Variants in DUSP4 observed in about 807,000 individuals in gnomAD.
DUSP4 encodes the protein dual specificity phosphatase 4.
DUSP4 carries 12 observed loss-of-function variants against 27.2 expected under a neutral mutation model. That is an observed-to-expected ratio of 0.44 (90% CI 0.28 to 0.71). The LOEUF is 0.71. Ranked by LOEUF, DUSP4 falls within the 30% of genes least tolerant of loss-of-function variation. The probability of loss-of-function intolerance (pLI) is 0.14; values close to 1 mark genes in which losing one functional copy is unlikely to be tolerated. For synonymous variants in DUSP4, 257 were observed against 245.2 expected, an observed-to-expected ratio of 1.05 and a Z score of -0.45; for missense variants, 448 against 551.3, an observed-to-expected ratio of 0.81 and a Z score of 1.88.
chr8:29,336,833 T>G lies in DUSP4; in HGVS notation c.*193A>C. ...GCCGTTATTGCTCTAAGTTGGAGTGTTCTGTTTGCTTTTATTATGTATTCG... is the reference window on the plus strand; with the variant it reads ...GCCGTTATTGCTCTAAGTTGGAGTGGTCTGTTTGCTTTTATTATGTATTCG... On this transcript the variant is annotated 3_prime_UTR_variant, in exon 4 of 4. Coordinates refer to ENST00000240100, the MANE Select transcript of DUSP4 (RefSeq NM_001394.7). 9.4e-6 allele frequency: 7 copies of G among 741,942 alleles called. No individual in the cohort carries two copies. The highest frequency in any genetic ancestry group is 4.5e-5 in the South Asian group (2 of 43,990). The allele number at this position is 741,942 out of a possible 1,614,324, so 46.0% of individuals were successfully genotyped here. A position where few individuals can be genotyped will look rare whatever the true frequency, so the allele number is the denominator to read the frequency against.
chr8:29,342,690 G>A (rs1454292474), intron 1 of DUSP4, among the ~76,000 whole-genome samples: 2 of 152,204 alleles, frequency 1.3e-5, no homozygotes, highest in African/African-American at 2.4e-5. Context: ...GAGTGGTGTG[G>A]GGGGCAAGGA....
Position 29,337,496 on chromosome 8 carries a change from G to A in DUSP4, c.800-85C>T. 6.7e-7 allele frequency: 1 copy of A among 1,500,516 alleles called. No homozygotes were observed. The highest frequency in any genetic ancestry group is 8.8e-7 in the Non-Finnish European group (1 of 1,132,162). 93.0% of individuals were successfully genotyped at this position (1,500,516 alleles called of 1,614,324 possible). On this transcript the variant is annotated intron_variant, in intron 3 of 3. Coordinates refer to ENST00000240100, the MANE Select transcript of DUSP4 (RefSeq NM_001394.7). This position sits in a 1 kb window ranked among gnomAD's most constrained non-coding sequence, Gnocchi z 6.4. ...GCACCGGCCAGCCCCTGGGGTCGGG[G>A]GGCTCTGAAGGAAGGACTAGCCGTG... is the stretch of plus-strand genomic sequence containing the variant.
chr8:29,342,670 G>A (rs986182393), intron 1 of DUSP4, among the ~76,000 whole-genome samples: 13 of 152,302 alleles, frequency 8.5e-5, no homozygotes, highest in African/African-American at 3.1e-4. Flanking sequence ...GGCACCGGCT[G>A]CTGGCCATGG....
chr8:29,349,134 C>T (rs79200531), intron 1 of DUSP4, among the ~76,000 whole-genome samples: 2,000 of 152,330 alleles, frequency 0.013, 39 homozygotes, highest in African/African-American at 0.045. Context: ...AAAAGGTGAT[C>T]ATTCTCCGCT....
intron 1 of DUSP4, chr8:29,348,811 G>A (rs889868968): frequency 1.0e-6 from 1 of 984,800 alleles, no homozygotes; most frequent in Non-Finnish European, 1.2e-6. Context: ...ACTGCCTACC[G>A]GGCTCGGAAG....
At chr8:29,345,883 A>G in intron 1 of DUSP4, 1 of 1,026,592 alleles carries the variant, frequency 9.7e-7, no homozygotes, top group African/African-American at 1.7e-5. Flanking sequence ...CTAGCAACTT[A>G]TGCTTCCAGT....
chr8:29,337,465 C>T lies in DUSP4; in HGVS notation c.800-54G>A. 3.3e-6 allele frequency: 5 copies of T among 1,526,532 alleles called. No individual in the cohort carries two copies. The highest frequency in any genetic ancestry group is 4.4e-6 in the Non-Finnish European group (5 of 1,142,360). The allele number at this position is 1,526,532 out of a possible 1,614,324, so 94.6% of individuals were successfully genotyped here. On this transcript the variant is annotated intron_variant, in intron 3 of 3. Coordinates refer to ENST00000240100, the MANE Select transcript of DUSP4 (RefSeq NM_001394.7). The surrounding 1 kb of genome is among the most constrained non-coding windows in gnomAD (Gnocchi z 6.4). ...ACGTTTCTGCAGACCCCAGCCCCGA[C>T]CAGGGGCACCGGCCAGCCCCTGGGG...
intron 1 of DUSP4, among the ~76,000 whole-genome samples, chr8:29,342,791 G>A (rs1352665373): frequency 6.6e-6 from 1 of 152,192 alleles, no homozygotes; most frequent in East Asian, 1.9e-4. Flanking sequence ...CAACTGTCTG[G>A]AAAAGGCACC....
At chr8:29,342,436 C>T (rs1411194736) in intron 1 of DUSP4, among the ~76,000 whole-genome samples, 4 of 152,148 alleles carry the variant, frequency 2.6e-5, no homozygotes, top group Admixed American at 6.5e-5. Context: ...ATGAAGTTTT[C>T]CCTTCTCGGT....
rs765176231 is a variant in DUSP4, at chr8:29,338,381, T to G, written c.700A>C (p.Asn234His). 1.2e-6 allele frequency: 2 copies of G among 1,614,156 alleles called. No individual in the cohort carries two copies. The highest frequency in any genetic ancestry group is 3.3e-5 in the Admixed American group (2 of 60,020). ...TACTGATAGTGTCCTTCAAAGTGGTTTGGGCAGTCCGAGGAGACATTCAAC... is the reference window on the plus strand; with the variant it reads ...TACTGATAGTGTCCTTCAAAGTGGTGTGGGCAGTCCGAGGAGACATTCAAC... ...ALLNVSSDCP[N>H]HFEGHYQYKC... The change falls in exon 3 of 4, where the codon AAC becomes CAC. Residue 234 changes from asparagine to histidine, a missense_variant. Coordinates refer to ENST00000240100, the MANE Select transcript of DUSP4 (RefSeq NM_001394.7).
chr8:29,349,514 G>T (rs570709790), intron 1 of DUSP4, among the ~76,000 whole-genome samples: 2 of 152,328 alleles, frequency 1.3e-5, no homozygotes, highest in East Asian at 3.9e-4. Context: ...GTGGTACTTG[G>T]AAACTGTTCC....
In DUSP4 at chr8:29,350,198, G is replaced by T. The variant is rs1817802500; in HGVS notation, c.81C>A (p.Gly27=). 6.2e-7 allele frequency: 1 copy of T among 1,607,776 alleles called. No homozygotes were observed. Residue 27 remains glycine (G), a synonymous_variant, in exon 1 of 4, where the codon GGC becomes GGA. Transcript: ENST00000240100. The stretch of plus-strand genomic sequence containing the variant: ...TGCCGTGGCTGCCGCTGCCGCCCGC[G>T]CCGCCGCCATTCTCGTCCCGGTTCA... ...RLMNRDENGG[G]AGGSGSHGTL...
intron 1 of DUSP4, among the ~76,000 whole-genome samples, chr8:29,346,237 AC>A (rs1361548586): frequency 6.6e-6 from 1 of 152,162 alleles, no homozygotes; most frequent in Non-Finnish European, 1.5e-5. Flanking sequence ...GCTATCCGGT[AC>A]TATAGGGTGA....
At chr8:29,349,186 TC>T (rs1817785189) in intron 1 of DUSP4, among the ~76,000 whole-genome samples, 1 of 152,066 alleles carries the variant, frequency 6.6e-6, no homozygotes, top group African/African-American at 2.4e-5. Context: ...CCGCCCGGCG[TC>T]CCCCAGATAC....
intron 1 of DUSP4, among the ~76,000 whole-genome samples, chr8:29,341,652 C>T (rs935716653): frequency 1.3e-5 from 2 of 152,206 alleles, no homozygotes; most frequent in Non-Finnish European, 2.9e-5. Flanking sequence ...CTCGGTCATG[C>T]TGGTGGCCTC....
In DUSP4 at chr8:29,334,851, T is replaced by C. The variant is rs1817546471; in HGVS notation, c.*2175A>G. ...TTATTTCTAGAGGAAGCAGGGAGCC[T>C]CTGGCTCTTCTAAAAATTGCCAGTG... On this transcript the variant is annotated 3_prime_UTR_variant, in exon 4 of 4. Coordinates refer to ENST00000240100, the MANE Select transcript of DUSP4 (RefSeq NM_001394.7). 6.6e-6 allele frequency: 1 copy of C among 152,224 alleles called. No individual in the cohort carries two copies. Among genetic ancestry groups the C allele is most frequent in the Admixed American group, 6.5e-5 (1 of 15,282 alleles). 9.4% of individuals were successfully genotyped at this position (152,224 alleles called of 1,614,324 possible).
rs1817550039 is a variant in DUSP4 at position 29,335,063 on chromosome 8, C to T, written c.*1963G>A. 1 of 152,144 alleles carries T rather than the reference C, an allele frequency of 6.6e-6. No homozygotes were observed. Among genetic ancestry groups the T allele is most frequent in the Admixed American group, 6.5e-5 (1 of 15,272 alleles). The allele number at this position is 152,144 out of a possible 1,614,324, so 9.4% of individuals were successfully genotyped here. On this transcript the variant is annotated 3_prime_UTR_variant, in exon 4 of 4. Transcript: ENST00000240100. The stretch of plus-strand genomic sequence containing the variant: ...TTATTTATGGGTGAGCAAGAATGTT[C>T]ATTAGATGTAGACTCTCAAAGGGCT...
Position 29,338,243 on chromosome 8 carries a change from G to A in DUSP4, c.799+39C>T, listed in dbSNP as rs527360327. On this transcript the variant is annotated intron_variant, in intron 3 of 3. Coordinates refer to ENST00000240100, the MANE Select transcript of DUSP4 (RefSeq NM_001394.7). ...CAGGGGTTCCTTATCCTTCCCACCC[G>A]CCCTCAAACCCAGGAACCCCAGAGC... is the stretch of plus-strand genomic sequence containing the variant. 50 of 961,184 alleles carry A rather than the reference G, an allele frequency of 5.2e-5. 1 individual carries two copies. Among genetic ancestry groups the A allele is most frequent in the South Asian group, 2.7e-4 (21 of 78,912 alleles). 59.5% of individuals were successfully genotyped at this position (961,184 alleles called of 1,614,324 possible).
chr8:29,338,465 C>A lies in DUSP4; in HGVS notation c.616G>T (p.Gly206Cys). Residue 206 changes from glycine (G) to cysteine (C), a missense_variant, in exon 3 of 4, where the codon GGC becomes TGC. Gly to Cys is a radical substitution (Grantham distance 159). This residue lies in a region of DUSP4 where 345 missense variants were observed against 394.0 expected (regional missense o/e 0.88). Coordinates refer to ENST00000240100, the MANE Select transcript of DUSP4 (RefSeq NM_001394.7). ...PVEILPFLYL[G>C]SAYHAARRDM... ...CTCCGGGCAGCATGGTAGGCACTGC[C>A]GAGGTAGAGGAAGGGAAGGATCTCC... The A allele has an allele frequency of 6.2e-7, 1 of 1,613,962 alleles. No individual in the cohort carries two copies. Among genetic ancestry groups the A allele is most frequent in the Non-Finnish European group, 8.5e-7 (1 of 1,180,020 alleles).
Sources: gnomAD v4.1 joint callset for allele counts (sites outside exome capture counted in the v4.1 genomes callset) on GRCh38, gnomAD v4.1.1 for gene constraint, gnomAD v4.1.1 regional missense constraint, Gnocchi (gnomAD v3.1) non-coding constraint, MANE v1.5 for transcripts, NCBI Gene and HGNC (gene_info 2026-07-23, HGNC 2026-07-21) for gene names.